Variants in HS2ST1 observed in about 807,000 individuals in gnomAD.
HS2ST1 encodes 2-O-sulfotransferase.
In HS2ST1, 18 loss-of-function variants were observed where a neutral mutation model predicts 42.9. The observed-to-expected ratio is 0.42, with a 90% CI of 0.29 to 0.62. HS2ST1 has a LOEUF of 0.62. Ranked by LOEUF, HS2ST1 falls within the 20% of genes least tolerant of loss-of-function variation. The probability of loss-of-function intolerance (pLI) is 0.21; values close to 1 mark genes in which losing one functional copy is unlikely to be tolerated. For synonymous variants in HS2ST1, 146 were observed against 152.9 expected (o/e 0.95, Z 0.33); for missense variants, 334 against 433.8 (o/e 0.77, Z 2.04).
intron 1 of HS2ST1, among the ~76,000 whole-genome samples, chr1:86,999,053 G>C (rs1302599968): frequency 6.6e-6 from 1 of 152,106 alleles, no homozygotes; most frequent in Non-Finnish European, 1.5e-5. Flanking sequence ...CCCTCAAAGG[G>C]AAAGAGCCCT....
intron 1 of HS2ST1, chr1:87,045,062 A>G: frequency 8.8e-7 from 1 of 1,133,240 alleles, no homozygotes; most frequent in Non-Finnish European, 1.3e-6. Flanking sequence ...CATTCTTTGA[A>G]GAATCTTCTT....
intron 1 of HS2ST1, among the ~76,000 whole-genome samples, chr1:87,057,014 C>A (rs765038458): frequency 9.2e-5 from 14 of 152,124 alleles, no homozygotes; most frequent in Non-Finnish European, 1.8e-4. Flanking sequence ...TTGACTCCAA[C>A]CCAAATAATA....
At chr1:87,060,977 G>A (rs932043306) in intron 1 of HS2ST1, among the ~76,000 whole-genome samples, 2 of 152,046 alleles carry the variant, frequency 1.3e-5, no homozygotes, top group Non-Finnish European at 2.9e-5. Context: ...TATCACAGAT[G>A]AAGTTGTGAA....
intron 1 of HS2ST1, among the ~76,000 whole-genome samples, chr1:86,985,517 TAC>T (rs1557504982): frequency 3.8e-4 from 21 of 55,788 alleles, no homozygotes; most frequent in African/African-American, 1.0e-3. Flanking sequence ...CACATATATA[TAC>T]ACATATATAT....
chr1:86,956,544 A>G lies in HS2ST1; in HGVS notation c.124+41384A>G, dbSNP rs564659001. 4 of 152,344 alleles carry G rather than the reference A, an allele frequency of 2.6e-5. No individual in the cohort carries two copies. In the East Asian group the frequency reaches 7.7e-4, roughly 29 times the overall value. The allele number at this position is 152,344 out of a possible 1,614,324, so 9.4% of individuals were successfully genotyped here. On this transcript the variant is annotated intron_variant, in intron 1 of 6. Coordinates refer to ENST00000370550, the MANE Select transcript of HS2ST1 (RefSeq NM_012262.4). ...GAAAATCTGATTTTCAGCAGTGTGA[A>G]CCTGCCCAGAAGGAACTGATGGTGA...
chr1:87,027,982 G>A (rs1292259351), intron 1 of HS2ST1, among the ~76,000 whole-genome samples: 7 of 152,206 alleles, frequency 4.6e-5, no homozygotes, highest in African/African-American at 7.2e-5. Flanking sequence ...GAGCCACCAC[G>A]CCCGGCTGGG....
chr1:87,078,623 A>T (rs972184011), intron 2 of HS2ST1, among the ~76,000 whole-genome samples: 2 of 152,168 alleles, frequency 1.3e-5, no homozygotes, highest in Non-Finnish European at 2.9e-5. Flanking sequence ...CAGTCTCCTT[A>T]ACTTCAATTG....
chr1:87,080,702 C>T (rs1651663350), intron 2 of HS2ST1, among the ~76,000 whole-genome samples: 1 of 152,120 alleles, frequency 6.6e-6, no homozygotes, highest in Non-Finnish European at 1.5e-5. Context: ...TCTCCTATAC[C>T]ACCCCTCCTC....
Position 87,092,649 on chromosome 1 carries a change from C to T in HS2ST1, c.568C>T (p.Arg190Ter), listed in dbSNP as rs1651973196. Residue 190 changes from arginine (R) to a stop codon, truncating the protein, a stop_gained, in exon 4 of 7, where the codon CGA (arginine) becomes TGA (stop). Transcript: ENST00000370550. LOFTEE classifies it high-confidence loss of function. ...TGATTATAGACCAGGGTTACGGAGA[C>T]GAAAACAAGGAGACAAAAAGGTAAT... ...GDDYRPGLRR[R>*]KQGDKKTFDE... 6 of 1,529,520 alleles carry T rather than the reference C, an allele frequency of 3.9e-6. No homozygotes were observed. Among genetic ancestry groups the T allele is most frequent in the South Asian group, 1.3e-5 (1 of 75,598 alleles). 94.7% of individuals were successfully genotyped at this position (1,529,520 alleles called of 1,614,324 possible).
chr1:87,022,576 T>A (rs1649980401), intron 1 of HS2ST1, among the ~76,000 whole-genome samples: 1 of 152,158 alleles, frequency 6.6e-6, no homozygotes, highest in Non-Finnish European at 1.5e-5. Flanking sequence ...ATAAACATGG[T>A]ACTTTACCTT....
At chr1:86,931,059 G>A (rs1357812965) in intron 1 of HS2ST1, among the ~76,000 whole-genome samples, 2 of 151,958 alleles carry the variant, frequency 1.3e-5, no homozygotes, top group Non-Finnish European at 2.9e-5. Flanking sequence ...AAGAATGGTA[G>A]GTTATTTTAG....
At chr1:86,978,504 G>A (rs1179545547) in intron 1 of HS2ST1, among the ~76,000 whole-genome samples, 1 of 152,152 alleles carries the variant, frequency 6.6e-6, no homozygotes, top group African/African-American at 2.4e-5. Context: ...CTTAATAAAT[G>A]TCCTTTTTCT....
At position 87,058,924 on chromosome 1, in the gene HS2ST1, T is replaced by TA. The variant is rs374078210; in HGVS notation, c.125-14009dup. ...AATACAAAAAATTAGCCAGGCGTGGTAGCAGGTGCCTGTAGTCCCAGCTAC... is the reference window on the plus strand; with the variant it reads ...AATACAAAAAATTAGCCAGGCGTGGTAAGCAGGTGCCTGTAGTCCCAGCTAC... On this transcript the variant is annotated intron_variant, in intron 1 of 6. Transcript: ENST00000370550. Among the ~76,000 whole-genome samples the TA allele has an allele frequency of 1.8e-3, 269 of 151,696 alleles. 1 individual carries two copies. The highest frequency in any genetic ancestry group is 5.9e-3 in the African/African-American group (241 of 41,156).
chr1:87,061,051 G>A (rs1205326781), intron 1 of HS2ST1, among the ~76,000 whole-genome samples: 1 of 152,064 alleles, frequency 6.6e-6, no homozygotes, highest in Non-Finnish European at 1.5e-5. Flanking sequence ...TATATTTAAT[G>A]TGGAAGCATT....
chr1:86,936,030 C>G (rs923698702), intron 1 of HS2ST1, among the ~76,000 whole-genome samples: 8 of 151,994 alleles, frequency 5.3e-5, no homozygotes, highest in African/African-American at 1.9e-4. Flanking sequence ...TTTACCTGTA[C>G]TTTTTTTGTC....
rs116019508 is a variant in HS2ST1 at position 87,100,683 on chromosome 1, C to T, written c.686+2748C>T. Among the ~76,000 whole-genome samples the T allele has an allele frequency of 9.0e-3, 1,371 of 152,226 alleles. 23 individuals are homozygous for T. The highest frequency in any genetic ancestry group is 0.032 in the African/African-American group (1,320 of 41,530). ...GAGTGGTTGCTCATGCCTGTAATTC[C>T]AGCACTTTGGAAGACCAAAGTGGGA... is the stretch of plus-strand genomic sequence containing the variant. On this transcript the variant is annotated intron_variant, in intron 5 of 6. Transcript: ENST00000370550.
chr1:87,085,667 A>G (rs1651800919), intron 3 of HS2ST1, among the ~76,000 whole-genome samples: 1 of 152,236 alleles, frequency 6.6e-6, no homozygotes, highest in East Asian at 1.9e-4. Flanking sequence ...GTTCATGTGC[A>G]TATTTTCCCT....
intron 5 of HS2ST1, among the ~76,000 whole-genome samples, chr1:87,101,413 G>C (rs1456539639): frequency 6.6e-6 from 1 of 151,940 alleles, no homozygotes; most frequent in African/African-American, 2.4e-5. Flanking sequence ...TAATCCGCCT[G>C]TCTCGGCCTC....
At chr1:87,057,057 G>A (rs191162217) in intron 1 of HS2ST1, among the ~76,000 whole-genome samples, 2 of 152,276 alleles carry the variant, frequency 1.3e-5, no homozygotes, top group Admixed American at 1.3e-4. Flanking sequence ...AAGCAGATAT[G>A]AAAATCCAGT....
Sources: allele counts gnomAD v4.1 joint callset (sites outside exome capture counted in the v4.1 genomes callset), GRCh38; gene constraint gnomAD v4.1.1; transcripts MANE v1.5; gene names NCBI Gene and HGNC (gene_info 2026-07-23, HGNC 2026-07-21).